COPG2: variants seen among roughly 807,000 people sequenced by gnomAD.
COPG2 encodes coat protein complex I subunit gamma 2.
Under a neutral mutation model 46.3 loss-of-function variants are expected in COPG2, and 37 were observed. The observed-to-expected ratio is 0.80, with a 90% CI of 0.61 to 1.05. The LOEUF is 1.05. COPG2 is among the 50% of genes least tolerant of loss of function. The pLI, the probability that COPG2 is intolerant of heterozygous loss-of-function variation, is 0.00. For missense variants in COPG2, 427 were observed against 387.8 expected (o/e 1.10, Z -0.85); for synonymous variants, 159 against 129.7 (o/e 1.23, Z -1.53).
In COPG2 at chr7:130,610,944, G is replaced by C. The variant is rs1584577228; in HGVS notation, c.737+9C>G. 3.7e-6 allele frequency: 6 copies of C among 1,613,674 alleles called. No individual in the cohort carries two copies. The South Asian group carries it at 6.6e-5, about 18-fold the overall frequency. On this transcript the variant is annotated intron_variant, in intron 9 of 23. Coordinates refer to ENST00000425248, the MANE Select transcript of COPG2 (RefSeq NM_012133.6). ...GGAAAATAACCCAGGTTTAGGTGAA[G>C]ACACTTACCCATCCTCAGTTTCTTT...
chr7:130,558,040 A>G (rs1775053214), intron 12 of COPG2, among the ~76,000 whole-genome samples: 1 of 152,040 alleles, frequency 6.6e-6, no homozygotes. Flanking sequence ...TACAAACTCA[A>G]GTACATATGA....
At chr7:130,641,054 C>T (rs1157788548) in intron 5 of COPG2, among the ~76,000 whole-genome samples, 2 of 151,174 alleles carry the variant, frequency 1.3e-5, no homozygotes, top group Non-Finnish European at 2.9e-5. Context: ...GTTAGAACAA[C>T]CGAGGCTAGG....
At chr7:130,628,683 A>C (rs1795165600) in intron 5 of COPG2, among the ~76,000 whole-genome samples, 2 of 152,068 alleles carry the variant, frequency 1.3e-5, no homozygotes, top group Non-Finnish European at 2.9e-5. Context: ...CTTCTATCTG[A>C]AGAATATCCT....
At chr7:130,597,587 TATC>T (rs1314125306) in intron 9 of COPG2, among the ~76,000 whole-genome samples, 1 of 151,884 alleles carries the variant, frequency 6.6e-6, no homozygotes, top group African/African-American at 2.4e-5. Flanking sequence ...TAATTGGAAT[TATC>T]AACAGGGCCA....
At chr7:130,655,945 T>C (rs1348231937) in intron 4 of COPG2, among the ~76,000 whole-genome samples, 1 of 152,212 alleles carries the variant, frequency 6.6e-6, no homozygotes, top group East Asian at 1.9e-4. Flanking sequence ...TCTTTTTTTA[T>C]TAATTTCCAA....
At chr7:130,612,922 A>G (rs1249338976) in intron 7 of COPG2, among the ~76,000 whole-genome samples, 1 of 152,146 alleles carries the variant, frequency 6.6e-6, no homozygotes, top group Non-Finnish European at 1.5e-5. Flanking sequence ...ATGAAAGAAA[A>G]GGGTCCTAGG....
At chr7:130,557,057 GACAAA>G (rs1352170798) in intron 12 of COPG2, among the ~76,000 whole-genome samples, 4 of 152,052 alleles carry the variant, frequency 2.6e-5, no homozygotes, top group African/African-American at 9.7e-5. Context: ...AATCGGAGAA[GACAAA>G]ACAAACAAAA....
chr7:130,544,691 C>A (rs1793400870), intron 20 of COPG2, among the ~76,000 whole-genome samples: 1 of 151,934 alleles, frequency 6.6e-6, no homozygotes, highest in Non-Finnish European at 1.5e-5. Flanking sequence ...TATATTGTTA[C>A]GGGTGCAATA....
intron 14 of COPG2, among the ~76,000 whole-genome samples, chr7:130,554,210 A>G (rs1262950713): frequency 6.6e-6 from 1 of 152,192 alleles, no homozygotes; most frequent in East Asian, 1.9e-4. Flanking sequence ...ACATAAACAA[A>G]TTCTACAAAC....
At chr7:130,634,238 T>A (rs1280143006) in intron 5 of COPG2, among the ~76,000 whole-genome samples, 1 of 152,156 alleles carries the variant, frequency 6.6e-6, no homozygotes, top group Admixed American at 6.6e-5. Flanking sequence ...TTAAAGTAGT[T>A]TTTTTCTAAT....
chr7:130,586,494 G>A (rs782625739), intron 9 of COPG2, among the ~76,000 whole-genome samples: 5 of 151,958 alleles, frequency 3.3e-5, no homozygotes, highest in Admixed American at 6.6e-5. Context: ...ACAGAGTCTC[G>A]CTGTGTTGCC....
At chr7:130,538,498 G>A (rs1488331357) in intron 20 of COPG2, among the ~76,000 whole-genome samples, 2 of 152,188 alleles carry the variant, frequency 1.3e-5, no homozygotes, top group South Asian at 4.2e-4. Flanking sequence ...TCTTATCAAG[G>A]CCAACCCATA....
intron 5 of COPG2, among the ~76,000 whole-genome samples, chr7:130,639,166 T>A (rs1486581552): frequency 6.6e-6 from 1 of 152,184 alleles, no homozygotes; most frequent in African/African-American, 2.4e-5. Context: ...CCAGAGCTGT[T>A]CCTATTCGGC....
chr7:130,659,999 T>C (rs1795944771), intron 4 of COPG2, among the ~76,000 whole-genome samples: 1 of 152,196 alleles, frequency 6.6e-6, no homozygotes, highest in African/African-American at 2.4e-5. Context: ...AACTATGTAA[T>C]CCTCATATAT....
intron 9 of COPG2, among the ~76,000 whole-genome samples, chr7:130,592,306 T>C (rs1465283641): frequency 1.3e-5 from 2 of 151,920 alleles, no homozygotes; most frequent in Non-Finnish European, 2.9e-5. Flanking sequence ...CCAGAGACCT[T>C]TGTTTACTTG....
chr7:130,609,119 G>A (rs1274593148), intron 9 of COPG2, among the ~76,000 whole-genome samples: 2 of 152,010 alleles, frequency 1.3e-5, no homozygotes, highest in South Asian at 2.1e-4. Flanking sequence ...GAGCTCAAGC[G>A]ATTCACCTGC....
chr7:130,628,630 G>T (rs1304642614), intron 5 of COPG2, among the ~76,000 whole-genome samples: 2 of 152,188 alleles, frequency 1.3e-5, no homozygotes, highest in Non-Finnish European at 2.9e-5. Context: ...TGTTTCCAGT[G>T]TTCTTTTTGT....
At chr7:130,668,498 G>T in intron 1 of COPG2, 134 bp downstream of exon 1, 1 of 675,726 alleles carries the variant, frequency 1.5e-6, no homozygotes, top group Non-Finnish European at 2.2e-6. Context: ...GGAGGGGAGG[G>T]GCCGGCTCCA....
At chr7:130,634,767 AG>A (rs1335194408) in intron 5 of COPG2, among the ~76,000 whole-genome samples, 5 of 152,064 alleles carry the variant, frequency 3.3e-5, no homozygotes, top group Non-Finnish European at 4.4e-5. Flanking sequence ...GTGGTGAGAG[AG>A]GGCATCCTTG....
Sources: gnomAD v4.1 joint callset for allele counts (sites outside exome capture counted in the v4.1 genomes callset) on GRCh38, gnomAD v4.1.1 for gene constraint, MANE v1.5 for transcripts, NCBI Gene and HGNC (gene_info 2026-07-23, HGNC 2026-07-21) for gene names.